Variants in KCTD8 observed in about 807,000 individuals in gnomAD.
The protein encoded by KCTD8 is BTB/POZ domain-containing protein KCTD8.
A neutral mutation model predicts 31.5 loss-of-function variants in KCTD8; 27 were observed. The observed-to-expected ratio is 0.86, with a 90% CI of 0.63 to 1.18. KCTD8 has a LOEUF of 1.18. KCTD8 is among the 50% of genes most tolerant of loss of function. The probability of loss-of-function intolerance (pLI) is 0.00; values close to 1 mark genes in which losing one functional copy is unlikely to be tolerated. For missense variants in KCTD8, 658 were observed against 647.7 expected, an observed-to-expected ratio of 1.02 and a Z score of -0.17; for synonymous variants, 290 against 280.0, an observed-to-expected ratio of 1.04 and a Z score of -0.36.
At position 44,245,699 on chromosome 4, in the gene KCTD8, C is replaced by G. The variant is rs550009602; in HGVS notation, c.962-70449G>C. Among the ~76,000 whole-genome samples, 4 of 151,892 alleles carry G rather than the reference C, an allele frequency of 2.6e-5. No individual in the cohort carries two copies. The East Asian group carries it at 7.7e-4, about 29-fold the overall frequency. ...GTTAAAATGTTAATATTCCAATAAC[C>G]ATATGCCAGCAGTAAATTTAACATA... On this transcript the variant is annotated intron_variant, in intron 1 of 1. Transcript: ENST00000360029.
intron 1 of KCTD8, among the ~76,000 whole-genome samples, chr4:44,340,933 T>TTA (rs1718881269): frequency 6.6e-6 from 1 of 151,714 alleles, no homozygotes; most frequent in South Asian, 2.1e-4. Context: ...TATGAATGTA[T>TTA]TATATATATA....
intron 1 of KCTD8, among the ~76,000 whole-genome samples, chr4:44,318,789 C>G (rs1718212434): frequency 6.6e-6 from 1 of 152,168 alleles, no homozygotes; most frequent in Non-Finnish European, 1.5e-5. Context: ...CTTCTGTTAA[C>G]TTATTTATTG....
At chr4:44,222,336 C>T (rs1412615380) in intron 1 of KCTD8, among the ~76,000 whole-genome samples, 4 of 152,180 alleles carry the variant, frequency 2.6e-5, no homozygotes, top group Non-Finnish European at 5.9e-5. Flanking sequence ...CAAGGACAAA[C>T]TGAAATCAGC....
chr4:44,184,297 C>T (rs191423201), intron 1 of KCTD8, among the ~76,000 whole-genome samples: 24 of 152,200 alleles, frequency 1.6e-4, no homozygotes, highest in African/African-American at 5.5e-4. Context: ...ATAGAGGAGA[C>T]GTCTTCATCT....
intron 1 of KCTD8, among the ~76,000 whole-genome samples, chr4:44,354,025 A>T (rs1719281917): frequency 6.6e-6 from 1 of 152,124 alleles, no homozygotes; most frequent in South Asian, 2.1e-4. Flanking sequence ...ATCCAAACAA[A>T]AGTTATTTTT....
chr4:44,248,011 GA>G (rs2109360079), intron 1 of KCTD8, among the ~76,000 whole-genome samples: 1 of 151,980 alleles, frequency 6.6e-6, no homozygotes, highest in South Asian at 2.1e-4. Context: ...GAATCTTGCA[GA>G]GATACAATAG....
chr4:44,331,494 T>A (rs1004918730), intron 1 of KCTD8, among the ~76,000 whole-genome samples: 1 of 151,644 alleles, frequency 6.6e-6, no homozygotes, highest in East Asian at 1.9e-4. Flanking sequence ...AGAAAACAGA[T>A]CATAGATAGG....
intron 1 of KCTD8, among the ~76,000 whole-genome samples, chr4:44,206,320 G>A (rs781387572): frequency 4.6e-5 from 7 of 152,084 alleles, no homozygotes; most frequent in Non-Finnish European, 1.0e-4. Context: ...AAACATCCTA[G>A]TAAAAAGATA....
At chr4:44,290,918 C>A (rs920106473) in intron 1 of KCTD8, among the ~76,000 whole-genome samples, 1 of 151,904 alleles carries the variant, frequency 6.6e-6, no homozygotes, top group East Asian at 1.9e-4. Context: ...GAAAAAAGAA[C>A]AAACCAACCA....
intron 1 of KCTD8, among the ~76,000 whole-genome samples, chr4:44,250,877 G>A (rs1267114139): frequency 6.6e-6 from 1 of 151,622 alleles, no homozygotes; most frequent in Admixed American, 6.6e-5. Flanking sequence ...CATTTACTTA[G>A]TGTGTCTTGA....
intron 1 of KCTD8, among the ~76,000 whole-genome samples, chr4:44,325,590 A>ACATCT (rs1718422789): frequency 6.6e-6 from 1 of 151,962 alleles, no homozygotes. Flanking sequence ...CTGTATCAAA[A>ACATCT]CATCTCATGT....
chr4:44,372,473 T>C (rs951688967), intron 1 of KCTD8, among the ~76,000 whole-genome samples: 1 of 152,154 alleles, frequency 6.6e-6, no homozygotes, highest in Non-Finnish European at 1.5e-5. Context: ...GGCAGCCTTA[T>C]AGAGGAGGTG....
rs190163205 is a variant in KCTD8 at position 44,260,153 on chromosome 4, C to T, written c.962-84903G>A. 6.7e-4 allele frequency among the ~76,000 whole-genome samples: 100 copies of T among 149,458 alleles called. 1 individual carries two copies. In the East Asian group the frequency reaches 8.1e-3, roughly 12 times the overall value. ...ATTTTATGCTAAAATGAAAAAAAAA[C>T]AATTATTAAAATTAATAGAAAGTAA... On this transcript the variant is annotated intron_variant, in intron 1 of 1. Coordinates refer to ENST00000360029, the MANE Select transcript of KCTD8 (RefSeq NM_198353.3).
chr4:44,405,881 T>A (rs1032515990), intron 1 of KCTD8, among the ~76,000 whole-genome samples: 1 of 145,334 alleles, frequency 6.9e-6, no homozygotes, highest in South Asian at 2.2e-4. Context: ...AGCATGTCCA[T>A]GAGCCATTGT....
chr4:44,269,338 C>T (rs4546280), intron 1 of KCTD8, among the ~76,000 whole-genome samples: 7,371 of 151,160 alleles, frequency 0.049, 411 homozygotes, highest in African/African-American at 0.14. Flanking sequence ...GCTAGCCATA[C>T]GTAGAAAGCT....
At chr4:44,231,543 T>G (rs1715118414) in intron 1 of KCTD8, among the ~76,000 whole-genome samples, 1 of 152,212 alleles carries the variant, frequency 6.6e-6, no homozygotes, top group African/African-American at 2.4e-5. Flanking sequence ...TGATTATGAA[T>G]ATTCACCTAA....
intron 1 of KCTD8, among the ~76,000 whole-genome samples, chr4:44,410,300 A>G (rs1342292467): frequency 6.6e-6 from 1 of 152,158 alleles, no homozygotes; most frequent in East Asian, 1.9e-4. Flanking sequence ...AGTGACAAAT[A>G]TTAACTAACA....
chr4:44,217,545 G>A (rs773902831), intron 1 of KCTD8, among the ~76,000 whole-genome samples: 22 of 152,172 alleles, frequency 1.4e-4, no homozygotes, highest in African/African-American at 4.3e-4. Flanking sequence ...TATTGTTTCC[G>A]GGTGTGTCTG....
chr4:44,185,931 G>A (rs1172630102), intron 1 of KCTD8, among the ~76,000 whole-genome samples: 1 of 151,982 alleles, frequency 6.6e-6, no homozygotes, highest in African/African-American at 2.4e-5. Context: ...ATACTGGAGC[G>A]GGACAGGGAA....
Sources: gnomAD v4.1 joint callset for allele counts (sites outside exome capture counted in the v4.1 genomes callset) on GRCh38, gnomAD v4.1.1 for gene constraint, MANE v1.5 for transcripts, NCBI Gene and HGNC (gene_info 2026-07-23, HGNC 2026-07-21) for gene names.